SLC18A1: variants seen among roughly 807,000 people sequenced by gnomAD.
SLC18A1 encodes the protein chromaffin granule amine transporter.
Under a neutral mutation model 53.7 loss-of-function variants are expected in SLC18A1, and 69 were observed. The ratio of observed to expected loss-of-function variants is 1.28; its 90% CI spans 1.06 to 1.57. The LOEUF is 1.57. Among genes scored for constraint, SLC18A1 ranks in the 40% most tolerant of loss-of-function variants. The pLI, the probability that SLC18A1 is intolerant of heterozygous loss-of-function variation, is 0.00. For missense variants in SLC18A1, 932 were observed against 668.1 expected (o/e 1.40, Z -4.35); for synonymous variants, 320 against 248.1 (o/e 1.29, Z -2.72).
chr8:20,154,787 ACT>A (rs559017959), intron 10 of SLC18A1, among the ~76,000 whole-genome samples: 3 of 151,922 alleles, frequency 2.0e-5, no homozygotes, highest in Non-Finnish European at 4.4e-5. Context: ...GCAACTGTAC[ACT>A]CTTCTGGTCC....
intron 10 of SLC18A1, among the ~76,000 whole-genome samples, chr8:20,163,661 G>A (rs1204849649): frequency 7.9e-5 from 12 of 152,168 alleles, no homozygotes; most frequent in Admixed American, 7.9e-4. Context: ...AGACTTACTA[G>A]GGATGAAAAC....
At chr8:20,172,808 C>G (rs1247236665) in intron 6 of SLC18A1, among the ~76,000 whole-genome samples, 1 of 152,196 alleles carries the variant, frequency 6.6e-6, no homozygotes, top group Non-Finnish European at 1.5e-5. Context: ...ATCGGGGAGG[C>G]TCACTTCCTC....
intron 8 of SLC18A1, among the ~76,000 whole-genome samples, chr8:20,170,139 C>CTT (rs2128876938): frequency 6.6e-6 from 1 of 152,220 alleles, no homozygotes; most frequent in South Asian, 2.1e-4. Flanking sequence ...CTCTCCAGGA[C>CTT]CCAGACATCC....
At chr8:20,163,191 G>A (rs1022524822) in intron 10 of SLC18A1, among the ~76,000 whole-genome samples, 2 of 152,150 alleles carry the variant, frequency 1.3e-5, no homozygotes, top group African/African-American at 4.8e-5. Context: ...GCACACATGA[G>A]AGAGATGTAA....
chr8:20,168,856 C>G (rs1363910664), intron 8 of SLC18A1, among the ~76,000 whole-genome samples: 1 of 152,168 alleles, frequency 6.6e-6, no homozygotes, highest in Non-Finnish European at 1.5e-5. Flanking sequence ...AAAGTGCCAA[C>G]TGATGATTTG....
chr8:20,182,206 G>A (rs969385610), intron 1 of SLC18A1, among the ~76,000 whole-genome samples: 11 of 151,976 alleles, frequency 7.2e-5, no homozygotes, highest in African/African-American at 2.7e-4. Flanking sequence ...TCTACTACAA[G>A]GAACCCATCC....
chr8:20,159,099 G>T (rs1051500781), intron 10 of SLC18A1, among the ~76,000 whole-genome samples: 2 of 152,102 alleles, frequency 1.3e-5, no homozygotes, highest in Non-Finnish European at 2.9e-5. Flanking sequence ...TGGAGCCCCA[G>T]ATGCAGTCTG....
Position 20,171,444 on chromosome 8 carries a change from G to T in SLC18A1, c.775C>A (p.Pro259Thr). ...GCCAGGAAGGCCAGGATGAGGAAGG[G>T]TGCAGACTTCCCAACAAACTCGTAC... is the stretch of plus-strand genomic sequence containing the variant. Reference protein sequence around the residue: ...VMYEFVGKSAPFLILAFLALL... With the variant: ...VMYEFVGKSATFLILAFLALL... Residue 259 changes from proline (P) to threonine (T), a missense_variant, in exon 7 of 16, where the codon CCC (proline) becomes ACC (threonine). Transcript: ENST00000276373. 1 of 1,614,146 alleles carries T rather than the reference G, an allele frequency of 6.2e-7. No individual in the cohort carries two copies. The highest frequency in any genetic ancestry group is 8.5e-7 in the Non-Finnish European group (1 of 1,180,026).
At position 20,166,777 on chromosome 8, in the gene SLC18A1, T is replaced by A. The variant is rs118017287; in HGVS notation, c.859-1670A>T. On this transcript the variant is annotated intron_variant, in intron 8 of 15. Coordinates refer to ENST00000276373, the MANE Select transcript of SLC18A1 (RefSeq NM_003053.4). ...AATATGACTGTGTTTGGAGACAGTA[T>A]CTTCAGGGAGGTAATTAAGGTTAAA... Among the ~76,000 whole-genome samples, 50 of 152,258 alleles carry A rather than the reference T, an allele frequency of 3.3e-4. No homozygotes were observed. In the East Asian group the frequency reaches 8.7e-3, roughly 26 times the overall value.
intron 8 of SLC18A1, among the ~76,000 whole-genome samples, chr8:20,169,467 A>T (rs2072055392): frequency 6.6e-6 from 1 of 152,172 alleles, no homozygotes. Flanking sequence ...ATAAAAAAAA[A>T]TCCTGTTCTT....
At chr8:20,154,449 C>T (rs2071633386) in intron 10 of SLC18A1, among the ~76,000 whole-genome samples, 3 of 151,946 alleles carry the variant, frequency 2.0e-5, no homozygotes, top group Admixed American at 2.0e-4. Flanking sequence ...AACAAGGGTT[C>T]GGTGGTGTAA....
intron 4 of SLC18A1, among the ~76,000 whole-genome samples, chr8:20,177,496 G>A (rs952730509): frequency 1.2e-4 from 19 of 152,138 alleles, no homozygotes; most frequent in African/African-American, 3.4e-4. Context: ...TCATGGAGTC[G>A]GGGGAGAGGG....
At chr8:20,169,384 A>T (rs1313272447) in intron 8 of SLC18A1, among the ~76,000 whole-genome samples, 1 of 152,176 alleles carries the variant, frequency 6.6e-6, no homozygotes, top group African/African-American at 2.4e-5. Context: ...CAATCAGAGT[A>T]GGCACGGCAA....
chr8:20,170,900 T>C (rs1467405873), intron 8 of SLC18A1, among the ~76,000 whole-genome samples: 3 of 152,170 alleles, frequency 2.0e-5, no homozygotes, highest in Non-Finnish European at 4.4e-5. Context: ...TCTTCCACCA[T>C]CTTTGTCCAA....
intron 10 of SLC18A1, among the ~76,000 whole-genome samples, chr8:20,156,769 A>G (rs1042321754): frequency 6.6e-6 from 1 of 152,246 alleles, no homozygotes; most frequent in Non-Finnish European, 1.5e-5. Flanking sequence ...GTGTATTCCT[A>G]CAAAGGAAAA....
chr8:20,163,324 C>T (rs2071876210), intron 10 of SLC18A1, among the ~76,000 whole-genome samples: 1 of 152,144 alleles, frequency 6.6e-6, no homozygotes, highest in Non-Finnish European at 1.5e-5. Flanking sequence ...AAGACTGTTG[C>T]ACTGGGGATT....
chr8:20,166,677 AT>A (rs2071975885), intron 8 of SLC18A1, among the ~76,000 whole-genome samples: 2 of 146,090 alleles, frequency 1.4e-5, no homozygotes, highest in South Asian at 4.1e-4. Context: ...TATTAAAAAA[AT>A]AAATTATATT....
intron 10 of SLC18A1, among the ~76,000 whole-genome samples, chr8:20,162,253 C>A (rs544093698): frequency 6.6e-6 from 1 of 152,180 alleles, no homozygotes; most frequent in Non-Finnish European, 1.5e-5. Flanking sequence ...ATGGGAAGCA[C>A]AGCTTCGAAG....
At chr8:20,150,982 C>CT (rs1563725286) in intron 10 of SLC18A1, 5 of 480,400 alleles carry the variant, frequency 1.0e-5, no homozygotes, top group South Asian at 7.1e-5. Flanking sequence ...TGTTTTCTTT[C>CT]TTTTTTTGAG....
Sources: gnomAD v4.1 joint callset for allele counts (sites outside exome capture counted in the v4.1 genomes callset) on GRCh38, gnomAD v4.1.1 for gene constraint, MANE v1.5 for transcripts, NCBI Gene and HGNC (gene_info 2026-07-23, HGNC 2026-07-21) for gene names.